SGK1: variants seen among roughly 807,000 people sequenced by gnomAD.
The protein encoded by SGK1 is serine/threonine-protein kinase Sgk1.
A neutral mutation model predicts 64.2 loss-of-function variants in SGK1; 26 were observed. The observed-to-expected ratio is 0.40, with a 90% CI of 0.30 to 0.56. The LOEUF is 0.56. SGK1 is among the 20% of genes least tolerant of loss of function. The pLI, the probability that SGK1 is intolerant of heterozygous loss-of-function variation, is 0.38. For missense variants in SGK1, 519 were observed against 645.6 expected, an observed-to-expected ratio of 0.80 and a Z score of 2.12; for synonymous variants, 265 against 239.7, an observed-to-expected ratio of 1.11 and a Z score of -0.98.
intron 1 of SGK1, 47 bp from the exon 2 acceptor site, chr6:134,262,195 T>G (rs1399042566): frequency 1.5e-6 from 2 of 1,359,046 alleles, no homozygotes; most frequent in African/African-American, 2.9e-5. Context: ...TTGACTCCCT[T>G]TGATGTTTAT....
chr6:134,281,743 G>C (rs561093375), intron 1 of SGK1, among the ~76,000 whole-genome samples: 2 of 152,064 alleles, frequency 1.3e-5, no homozygotes, highest in South Asian at 2.1e-4. Flanking sequence ...TTTCAAATTC[G>C]TGGTCTTAAA....
Position 134,274,335 on chromosome 6 carries a change from C to T in SGK1, c.70-12187G>A, listed in dbSNP as rs150579331. 2.1e-3 allele frequency among the ~76,000 whole-genome samples: 325 copies of T among 151,790 alleles called. 3 individuals carry two copies. The highest frequency in any genetic ancestry group is 0.019 in the Admixed American group (297 of 15,244). On this transcript the variant is annotated intron_variant, in intron 1 of 13. Coordinates refer to ENST00000367858, the MANE Select transcript of SGK1 (RefSeq NM_001143676.3). Reference sequence around the variant, plus strand: ...GTGTTTTTCAATACAGTATGAAGGACGGATTTAAGATGGTCAAGATCAAAG... The same window carrying T: ...GTGTTTTTCAATACAGTATGAAGGATGGATTTAAGATGGTCAAGATCAAAG...
At chr6:134,252,959 T>C (rs1324923545) in intron 2 of SGK1, among the ~76,000 whole-genome samples, 4 of 152,182 alleles carry the variant, frequency 2.6e-5, no homozygotes, top group Non-Finnish European at 5.9e-5. Flanking sequence ...GCCATCTGGC[T>C]GATTTAAGTA....
At chr6:134,240,434 G>A (rs1776426151) in intron 2 of SGK1, among the ~76,000 whole-genome samples, 3 of 152,132 alleles carry the variant, frequency 2.0e-5, no homozygotes, top group Non-Finnish European at 1.5e-5. Context: ...TAGTGAAAGA[G>A]TCTAAAAATA....
intron 5 of SGK1, 153 bp downstream of exon 5, chr6:134,173,852 A>G: frequency 1.6e-6 from 1 of 640,276 alleles, no homozygotes; most frequent in Non-Finnish European, 2.7e-6. Context: ...CTCTGACTCA[A>G]TACTTAAATA....
chr6:134,183,514 A>T (rs1282514784), intron 3 of SGK1, among the ~76,000 whole-genome samples: 1 of 152,228 alleles, frequency 6.6e-6, no homozygotes, highest in Admixed American at 6.5e-5. Flanking sequence ...TGCTGTACTC[A>T]GGGAGGGTGT....
intron 3 of SGK1, chr6:134,177,847 TC>T: frequency 1.2e-6 from 2 of 1,601,304 alleles, no homozygotes; most frequent in Non-Finnish European, 8.5e-7. Context: ...GAGACGGCTA[TC>T]CCTGTTCTGT....
At chr6:134,306,112 G>C (rs926985375) in intron 1 of SGK1, among the ~76,000 whole-genome samples, 1 of 152,092 alleles carries the variant, frequency 6.6e-6, no homozygotes, top group African/African-American at 2.4e-5. Flanking sequence ...ATTGCAAACT[G>C]ACAGGTGCCA....
chr6:134,259,672 G>A (rs1023163924), intron 2 of SGK1: 8 of 152,128 alleles, frequency 5.3e-5, no homozygotes, highest in African/African-American at 1.7e-4. Flanking sequence ...TTCCCTAGAA[G>A]GGCAGAGCTA....
intron 7 of SGK1, 35 bp downstream of exon 7, chr6:134,173,239 C>T: frequency 6.2e-7 from 1 of 1,608,244 alleles, no homozygotes; most frequent in Non-Finnish European, 8.5e-7. Flanking sequence ...GGAGTGTCTA[C>T]CGCCAATGCC....
At chr6:134,300,781 C>T (rs903192898) in intron 1 of SGK1, among the ~76,000 whole-genome samples, 4 of 150,954 alleles carry the variant, frequency 2.6e-5, no homozygotes, top group East Asian at 2.0e-4. Context: ...TACAGGCATG[C>T]GCCACCACAC....
In SGK1 at chr6:134,170,427, G is replaced by A. The variant is rs1260645096; in HGVS notation, c.1422C>T (p.Pro474=). ...CGGGGTCAAAGTGCCGTAGGTCGTTGGGCCCACTCTGTGACGGGAAGGGAA... is the reference window on the plus strand; with the variant it reads ...CGGGGTCAAAGTGCCGTAGGTCGTTAGGCCCACTCTGTGACGGGAAGGGAA... ...TPPFNPNVSG[P]NDLRHFDPEF... is the part of the protein sequence containing the mutation. Residue 474 remains proline (P), a synonymous_variant, in exon 14 of 14, where the codon CCC becomes CCT. Transcript: ENST00000367858. The A allele has an allele frequency of 3.1e-6, 5 of 1,611,070 alleles. No homozygotes were observed. The African/African-American group carries it at 5.3e-5, about 17-fold the overall frequency.
chr6:134,237,828 C>T (rs1776387152), intron 2 of SGK1, among the ~76,000 whole-genome samples: 1 of 152,158 alleles, frequency 6.6e-6, no homozygotes, highest in African/African-American at 2.4e-5. Context: ...AAAATATTCT[C>T]TTCTCTCAAG....
Position 134,170,056 on chromosome 6 carries a change from G to A in SGK1, c.*212C>T. On this transcript the variant is annotated 3_prime_UTR_variant, in exon 14 of 14. Coordinates refer to ENST00000367858, the MANE Select transcript of SGK1 (RefSeq NM_001143676.3). ...TTTCAGAGATAGCACCACGTTGGAA[G>A]GAAGAATAAAAATGAAAACCTCATG... is the stretch of plus-strand genomic sequence containing the variant. 1 of 389,516 alleles carries A rather than the reference G, an allele frequency of 2.6e-6. No homozygotes were observed. Among genetic ancestry groups the A allele is most frequent in the Non-Finnish European group, 4.6e-6 (1 of 215,292 alleles). 24.1% of individuals were successfully genotyped at this position (389,516 alleles called of 1,614,324 possible).
intron 2 of SGK1, among the ~76,000 whole-genome samples, chr6:134,239,551 C>T (rs181421352): frequency 3.4e-4 from 52 of 152,284 alleles, no homozygotes; most frequent in Admixed American, 5.2e-4. Context: ...GCACATTTTA[C>T]GGCCCTTTTT....
chr6:134,309,809 T>A (rs749795766), intron 1 of SGK1, among the ~76,000 whole-genome samples: 13 of 152,168 alleles, frequency 8.5e-5, no homozygotes, highest in Non-Finnish European at 1.6e-4. Flanking sequence ...ATCCCACTCA[T>A]AAGTCAGGAG....
chr6:134,240,345 A>T (rs1351127227), intron 2 of SGK1, among the ~76,000 whole-genome samples: 4 of 150,014 alleles, frequency 2.7e-5, no homozygotes, highest in African/African-American at 9.8e-5. Context: ...CACCTACAGG[A>T]GGAGGAATTT....
At chr6:134,266,302 A>G (rs1203622905) in intron 1 of SGK1, among the ~76,000 whole-genome samples, 1 of 151,998 alleles carries the variant, frequency 6.6e-6, no homozygotes, top group Non-Finnish European at 1.5e-5. Flanking sequence ...ACTCTTTTCA[A>G]TAGCCATTTA....
At chr6:134,213,248 A>C (rs990811633) in intron 2 of SGK1, among the ~76,000 whole-genome samples, 1 of 152,050 alleles carries the variant, frequency 6.6e-6, no homozygotes, top group Non-Finnish European at 1.5e-5. Context: ...TTGGCCGGGT[A>C]TGGGGGGTCA....
Sources: gnomAD v4.1 joint callset for allele counts (sites outside exome capture counted in the v4.1 genomes callset) on GRCh38, gnomAD v4.1.1 for gene constraint, MANE v1.5 for transcripts, NCBI Gene and HGNC (gene_info 2026-07-23, HGNC 2026-07-21) for gene names.